The following CAMKMT variants were observed in gnomAD, a reference collection of about 807,000 sequenced individuals.
CAMKMT encodes the protein CaM KMT.
CAMKMT carries 53 observed loss-of-function variants against 48.0 expected under a neutral mutation model. The ratio of observed to expected loss-of-function variants is 1.10; its 90% confidence interval spans 0.89 to 1.39. The LOEUF is 1.39. CAMKMT is among the 40% of genes most tolerant of loss of function. The probability of loss-of-function intolerance (pLI) is 0.00; values close to 1 mark genes in which losing one functional copy is unlikely to be tolerated. For missense variants in CAMKMT, 428 were observed against 402.7 expected, an observed-to-expected ratio of 1.06 and a Z score of -0.54; for synonymous variants, 165 against 152.3, an observed-to-expected ratio of 1.08 and a Z score of -0.61.
intron 3 of CAMKMT, among the ~76,000 whole-genome samples, chr2:44,509,526 G>C (rs1670432704): frequency 6.6e-6 from 1 of 152,056 alleles, no homozygotes; most frequent in Admixed American, 6.6e-5. Context: ...GCCCAGGCTG[G>C]TCTTGATCTC....
chr2:44,544,349 T>C (rs932772384), intron 3 of CAMKMT, among the ~76,000 whole-genome samples: 2 of 152,214 alleles, frequency 1.3e-5, no homozygotes, highest in African/African-American at 4.8e-5. Context: ...TTTTTCTTTT[T>C]GAGCTGGTAG....
intron 3 of CAMKMT, among the ~76,000 whole-genome samples, chr2:44,592,003 A>C (rs1189386717): frequency 4.0e-5 from 6 of 151,538 alleles, no homozygotes; most frequent in Non-Finnish European, 8.8e-5. Context: ...CATAGGTGGG[A>C]ATTGAGCAAT....
intron 3 of CAMKMT, among the ~76,000 whole-genome samples, chr2:44,558,030 TATTTATTCATTCATTC>T (rs796285319): frequency 1.9e-4 from 26 of 137,114 alleles, no homozygotes; most frequent in African/African-American, 5.7e-4. Flanking sequence ...TTTATTTATT[TATTTATTCATTCATTC>T]ATTCATTCAT....
intron 3 of CAMKMT, among the ~76,000 whole-genome samples, chr2:44,631,320 C>T (rs913181984): frequency 3.3e-5 from 5 of 151,946 alleles, no homozygotes; most frequent in African/African-American, 7.3e-5. Context: ...GTGGGTGCAG[C>T]GCACCAGCAA....
chr2:44,730,609 T>G (rs1679029859), intron 7 of CAMKMT, among the ~76,000 whole-genome samples: 1 of 152,216 alleles, frequency 6.6e-6, no homozygotes. Flanking sequence ...GATGGTGTCC[T>G]TTTCTCTAAG....
chr2:44,563,391 G>A (rs1285143683), intron 3 of CAMKMT, among the ~76,000 whole-genome samples: 1 of 151,574 alleles, frequency 6.6e-6, no homozygotes, highest in East Asian at 1.9e-4. Flanking sequence ...GCCTTATGTA[G>A]ATATTACCAT....
chr2:44,542,100 G>A (rs11689866), intron 3 of CAMKMT, among the ~76,000 whole-genome samples: 1 of 148,198 alleles, frequency 6.7e-6, no homozygotes, highest in Non-Finnish European at 1.5e-5. Context: ...TTGCACTCCA[G>A]CCTGGGCAAC....
intron 3 of CAMKMT, among the ~76,000 whole-genome samples, chr2:44,547,688 T>C (rs867940356): frequency 3.9e-5 from 6 of 152,086 alleles, no homozygotes; most frequent in South Asian, 2.1e-4. Flanking sequence ...ATGCCATCTC[T>C]GTACTATCAT....
At chr2:44,669,097 GTTTGTT>G (rs1430091780) in intron 3 of CAMKMT, among the ~76,000 whole-genome samples, 5 of 151,058 alleles carry the variant, frequency 3.3e-5, no homozygotes, top group South Asian at 4.2e-4. Context: ...CTTGTTTTTT[GTTTGTT>G]TTTGTTTTTA....
At chr2:44,749,940 A>G (rs1413592844) in intron 8 of CAMKMT, among the ~76,000 whole-genome samples, 1 of 152,158 alleles carries the variant, frequency 6.6e-6, no homozygotes, top group Non-Finnish European at 1.5e-5. Context: ...AGCATTAGAA[A>G]TGGGAGTAGG....
At chr2:44,520,007 C>T (rs531731479) in intron 3 of CAMKMT, among the ~76,000 whole-genome samples, 3 of 150,628 alleles carry the variant, frequency 2.0e-5, no homozygotes, top group East Asian at 3.9e-4. Flanking sequence ...GTCAGGAGAT[C>T]GAAACCATCC....
chr2:44,676,802 A>G (rs1363918761), intron 3 of CAMKMT: 1 of 152,212 alleles, frequency 6.6e-6, no homozygotes, highest in Non-Finnish European at 1.5e-5. Context: ...ATGAAATAGT[A>G]TTTATGAATA....
intron 3 of CAMKMT, among the ~76,000 whole-genome samples, chr2:44,622,889 C>T (rs1400679066): frequency 6.6e-6 from 1 of 152,076 alleles, no homozygotes; most frequent in African/African-American, 2.4e-5. Context: ...GTTCAATTTT[C>T]AGTTCTTTTC....
intron 3 of CAMKMT, among the ~76,000 whole-genome samples, chr2:44,553,836 T>C (rs1667856743): frequency 6.6e-6 from 1 of 152,200 alleles, no homozygotes; most frequent in African/African-American, 2.4e-5. Flanking sequence ...AAGAATAATT[T>C]ATCAAATGAA....
intron 9 of CAMKMT, among the ~76,000 whole-genome samples, chr2:44,757,982 A>G (rs1029660201): frequency 6.6e-6 from 1 of 152,168 alleles, no homozygotes; most frequent in Non-Finnish European, 1.5e-5. Flanking sequence ...GGCACACTGC[A>G]TCTCCCCTGC....
chr2:44,545,433 A>C (rs1250966745), intron 3 of CAMKMT, among the ~76,000 whole-genome samples: 1 of 152,206 alleles, frequency 6.6e-6, no homozygotes, highest in African/African-American at 2.4e-5. Context: ...AGAACATCAA[A>C]ATGAGTCATA....
At chr2:44,632,125 A>G (rs914674636) in intron 3 of CAMKMT, among the ~76,000 whole-genome samples, 2 of 152,082 alleles carry the variant, frequency 1.3e-5, no homozygotes, top group African/African-American at 4.8e-5. Context: ...GTATTTACCC[A>G]TGTACTTACC....
intron 3 of CAMKMT, among the ~76,000 whole-genome samples, chr2:44,630,231 A>G (rs1447026949): frequency 1.3e-5 from 2 of 150,636 alleles, no homozygotes; most frequent in East Asian, 1.9e-4. Context: ...CTTACACCTT[A>G]TACAAAAATT....
chr2:44,697,248 A>G (rs146634204), intron 3 of CAMKMT, among the ~76,000 whole-genome samples: 1 of 152,254 alleles, frequency 6.6e-6, no homozygotes, highest in East Asian at 1.9e-4. Flanking sequence ...AAACTACTGG[A>G]GGACGTGTTA....
Sources: gnomAD v4.1 joint callset for allele counts (sites outside exome capture counted in the v4.1 genomes callset) on GRCh38, gnomAD v4.1.1 for gene constraint, MANE v1.5 for transcripts, NCBI Gene and HGNC (gene_info 2026-07-23, HGNC 2026-07-21) for gene names.